The following THUMPD3 variants were observed in gnomAD, a reference collection of about 807,000 sequenced individuals.
THUMPD3 encodes tRNA (guanine(6)-N(2))-methyltransferase THUMP3.
A neutral mutation model predicts 54.5 loss-of-function variants in THUMPD3; 44 were observed. The ratio of observed to expected loss-of-function variants is 0.81; its 90% CI spans 0.63 to 1.04. The LOEUF is 1.04. Among genes scored for constraint, THUMPD3 ranks in the 50% least tolerant of loss-of-function variants. The pLI is 0.00. For missense variants in THUMPD3, 604 were observed against 601.3 expected (o/e 1.00, Z -0.05); for synonymous variants, 196 against 201.4 (o/e 0.97, Z 0.23).
chr3:9,376,463 T>C (rs1009208134), intron 5 of THUMPD3, among the ~76,000 whole-genome samples: 1 of 152,230 alleles, frequency 6.6e-6, no homozygotes, highest in Non-Finnish European at 1.5e-5. Flanking sequence ...GAGGATCTGA[T>C]GGACATTGTT....
In THUMPD3 at chr3:9,371,484, C is replaced by T. The variant is rs1345972566; in HGVS notation, c.755C>T (p.Ala252Val). Residue 252 changes from alanine to valine, a missense_variant, in exon 4 of 10, where the codon GCT (alanine) becomes GTT (valine). Transcript: ENST00000452837. ...SNEAARDFGGAVQDYFKWKAD... is the reference protein window; with the variant it reads ...SNEAARDFGGVVQDYFKWKAD... ...GAGGCTGCAAGAGATTTTGGGGGTG[C>T]TGTTCAAGATTATTTTAAGTGGAAG... is the stretch of plus-strand genomic sequence containing the variant. 3 of 1,614,064 alleles carry T rather than the reference C, an allele frequency of 1.9e-6. No homozygotes were observed. The highest frequency in any genetic ancestry group is 2.7e-5 in the African/African-American group (2 of 75,050).
chr3:9,383,384 A>T (rs1376577383), intron 8 of THUMPD3, 75 bp downstream of exon 8: 15 of 1,196,454 alleles, frequency 1.3e-5, no homozygotes, highest in Admixed American at 5.4e-5. Flanking sequence ...GTCAGGAAAA[A>T]AATCTTGAAT....
Position 9,366,914 on chromosome 3 carries a change from T to C in THUMPD3, c.259T>C (p.Cys87Arg). The C allele has an allele frequency of 6.2e-7, 1 of 1,609,894 alleles. No individual in the cohort carries two copies. Among genetic ancestry groups the C allele is most frequent in the Non-Finnish European group, 8.5e-7 (1 of 1,178,882 alleles). The change falls in exon 3 of 10, where the codon TGT (cysteine) becomes CGT (arginine). Residue 87 changes from cysteine (C) to arginine (R), a missense_variant. By Grantham distance (180) the Cys-to-Arg change is radical. Coordinates refer to ENST00000452837, the MANE Select transcript of THUMPD3 (RefSeq NM_001114092.2). ...ISVESLAQVH[C>R]LRSVDNLFVV... ...TTCTTTTTTTTTCACCCAGGTTCAT[T>C]GTCTGAGATCAGTTGATAACTTATT...
At chr3:9,378,669 A>G (rs765319110) in intron 6 of THUMPD3, among the ~76,000 whole-genome samples, 2 of 152,226 alleles carry the variant, frequency 1.3e-5, no homozygotes, top group African/African-American at 2.4e-5. Context: ...CAAGCCCACA[A>G]GGGGAGAAAT....
chr3:9,383,269 T>C lies in THUMPD3; in HGVS notation c.1195T>C (p.Ser399Pro). 3 of 1,614,028 alleles carry C rather than the reference T, an allele frequency of 1.9e-6. No homozygotes were observed. Among genetic ancestry groups the C allele is most frequent in the Non-Finnish European group, 2.5e-6 (3 of 1,179,854 alleles). ...CTGCAATCTGCCATTGAGAACTGGCTCTGTGGATATTATTGTAACAGATTT... is the reference window on the plus strand; with the variant it reads ...CTGCAATCTGCCATTGAGAACTGGCCCTGTGGATATTATTGTAACAGATTT... ...DICNLPLRTG[S>P]VDIIVTDLPF... Residue 399 changes from serine to proline, a missense_variant, in exon 8 of 10, where the codon TCT becomes CCT. Ser to Pro is a moderately conservative substitution (Grantham distance 74). Coordinates refer to ENST00000452837, the MANE Select transcript of THUMPD3 (RefSeq NM_001114092.2).
intron 3 of THUMPD3, among the ~76,000 whole-genome samples, chr3:9,369,447 T>A (rs925816981): frequency 3.3e-5 from 5 of 152,112 alleles, no homozygotes; most frequent in Non-Finnish European, 7.4e-5. Flanking sequence ...TTTAAAATAA[T>A]TTATACATGA....
rs375326583 is a variant in THUMPD3 at position 9,384,279 on chromosome 3, A to C, written c.1303A>C (p.Thr435Pro). 6.2e-7 allele frequency: 1 copy of C among 1,614,224 alleles called. No homozygotes were observed. The highest frequency in any genetic ancestry group is 1.1e-5 in the South Asian group (1 of 91,090). Residue 435 changes from threonine to proline, a missense_variant, in exon 9 of 10, where the codon ACA becomes CCA. Coordinates refer to ENST00000452837, the MANE Select transcript of THUMPD3 (RefSeq NM_001114092.2). ...ACLREMSRVC[T>P]PTTGRAVLLT... ...CCTACGGGAGATGAGCCGTGTCTGCACACCTACCACAGGCCGAGCTGTACT... is the reference window on the plus strand; with the variant it reads ...CCTACGGGAGATGAGCCGTGTCTGCCCACCTACCACAGGCCGAGCTGTACT...
chr3:9,380,494 A>G lies in THUMPD3; in HGVS notation c.1009-9A>G. On this transcript the variant is annotated splice_polypyrimidine_tract_variant and intron_variant, in intron 6 of 9. Transcript: ENST00000452837. ...TACTTTTGTTTTAACATACACTCTTATCTTTTAGGGGGCCACTGAATGGTC... is the reference window on the plus strand; with the variant it reads ...TACTTTTGTTTTAACATACACTCTTGTCTTTTAGGGGGCCACTGAATGGTC... 1 of 1,577,460 alleles carries G rather than the reference A, an allele frequency of 6.3e-7. No homozygotes were observed. Among genetic ancestry groups the G allele is most frequent in the Non-Finnish European group, 8.7e-7 (1 of 1,152,170 alleles).
At chr3:9,373,606 G>T (rs1016720727) in intron 4 of THUMPD3, among the ~76,000 whole-genome samples, 6 of 152,354 alleles carry the variant, frequency 3.9e-5, no homozygotes, top group Middle Eastern at 3.4e-3. Context: ...TATGTAAAAT[G>T]TGTAGAATAG....
intron 7 of THUMPD3, among the ~76,000 whole-genome samples, chr3:9,381,386 A>G (rs1049970148): frequency 2.0e-5 from 3 of 152,204 alleles, no homozygotes; most frequent in South Asian, 4.1e-4. Context: ...ATTAATGTAC[A>G]TGTGAATCAC....
intron 8 of THUMPD3, 34 bp from the exon 9 acceptor site, chr3:9,384,178 G>GC (rs1559313801): frequency 2.5e-6 from 4 of 1,603,964 alleles, no homozygotes; most frequent in Non-Finnish European, 3.4e-6. Flanking sequence ...TGTATCTTTT[G>GC]CAAGTGTTTG....
Position 9,374,638 on chromosome 3 carries a change from G to T in THUMPD3, c.930G>T (p.Gly310=). 1 of 1,613,486 alleles carries T rather than the reference G, an allele frequency of 6.2e-7. No individual in the cohort carries two copies. Among genetic ancestry groups the T allele is most frequent in the East Asian group, 2.2e-5 (1 of 44,862 alleles). ...PTTLRSTLAY[G]MLRLCDPLPY... is the part of the protein sequence containing the mutation. ...CTCTTAGATCAACTCTTGCCTATGG[G>T]ATGCTCAGGTAAGAAAATGAGTTTG... The change falls in exon 5 of 10, where the codon GGG becomes GGT. Residue 310 remains glycine, a synonymous_variant. Coordinates refer to ENST00000452837, the MANE Select transcript of THUMPD3 (RefSeq NM_001114092.2).
In THUMPD3 at chr3:9,384,258, C is replaced by T. The variant is rs374491423; in HGVS notation, c.1282C>T (p.Arg428Trp). The change falls in exon 9 of 10, where the codon CGG becomes TGG. Residue 428 changes from arginine (R) to tryptophan (W), a missense_variant. Coordinates refer to ENST00000452837, the MANE Select transcript of THUMPD3 (RefSeq NM_001114092.2). The part of the protein sequence containing the change: ...RNWNLYPACL[R>W]EMSRVCTPTT... Reference sequence around the variant, plus strand: ...CTGGAACCTTTATCCAGCTTGCCTACGGGAGATGAGCCGTGTCTGCACACC... The same window carrying T: ...CTGGAACCTTTATCCAGCTTGCCTATGGGAGATGAGCCGTGTCTGCACACC... 89 of 1,613,998 alleles carry T rather than the reference C, an allele frequency of 5.5e-5. No homozygotes were observed. The highest frequency in any genetic ancestry group is 1.7e-4 in the Admixed American group (10 of 60,010).
At position 9,380,582 on chromosome 3, in the gene THUMPD3, T is replaced by G; in HGVS notation, c.1088T>G (p.Ile363Ser). The G allele has an allele frequency of 6.2e-7, 1 of 1,613,588 alleles. No homozygotes were observed. Residue 363 changes from isoleucine (I) to serine (S), a missense_variant, in exon 7 of 10, where the codon ATT becomes AGT. Physicochemically the swap from Ile to Ser is moderately radical, Grantham distance 142. Coordinates refer to ENST00000452837, the MANE Select transcript of THUMPD3 (RefSeq NM_001114092.2). ...GCTGTGAATAGAGCAGCAAATAACATTGCATCTTTATTGACCAAGAGCCAA... is the reference window on the plus strand; with the variant it reads ...GCTGTGAATAGAGCAGCAAATAACAGTGCATCTTTATTGACCAAGAGCCAA... ...PLAVNRAANNIASLLTKSQIK... is the reference protein window; with the variant it reads ...PLAVNRAANNSASLLTKSQIK...
intron 6 of THUMPD3, 56 bp downstream of exon 6, chr3:9,377,944 C>A: frequency 1.5e-6 from 2 of 1,379,006 alleles, no homozygotes; most frequent in Non-Finnish European, 2.1e-6. Context: ...ATATTCTAGA[C>A]CTAATGGGCA....
Position 9,384,238 on chromosome 3 carries a change from AC to A in THUMPD3, c.1264del (p.Leu422PhefsTer9). On this transcript the variant is annotated frameshift_variant, in exon 9 of 10. Coordinates refer to ENST00000452837, the MANE Select transcript of THUMPD3 (RefSeq NM_001114092.2). LOFTEE classifies it high-confidence loss of function. ...KRMGSKKRNW[N>X]LYPACLREMS... ...ATGGGATCCAAGAAGAGAAACTGGA[AC>A]CTTTATCCAGCTTGCCTACGGGAGA... is the stretch of plus-strand genomic sequence containing the variant. The A allele has an allele frequency of 6.2e-7, 1 of 1,614,068 alleles. No homozygotes were observed. Among genetic ancestry groups the A allele is most frequent in the African/African-American group, 1.3e-5 (1 of 75,014 alleles).
chr3:9,363,519 A>G (rs975778096), intron 1 of THUMPD3: 3 of 152,188 alleles, frequency 2.0e-5, no homozygotes, highest in African/African-American at 4.8e-5. Flanking sequence ...GCACAAGGAC[A>G]TTATAGGTAT....
rs535093609 is a variant in THUMPD3, at chr3:9,382,559, A to C, written c.1125-640A>C. ...TGTTATTACTAGTTTTACAAACTTT[A>C]TTCTTCAGATACATCACCCCATTAT... On this transcript the variant is annotated intron_variant, in intron 7 of 9. Coordinates refer to ENST00000452837, the MANE Select transcript of THUMPD3 (RefSeq NM_001114092.2). Among the ~76,000 whole-genome samples the C allele has an allele frequency of 2.6e-5, 4 of 152,224 alleles. No individual in the cohort carries two copies. In the South Asian group the frequency reaches 8.3e-4, roughly 32 times the overall value.
chr3:9,364,837 T>A (rs1175069499), intron 1 of THUMPD3, among the ~76,000 whole-genome samples, 179 bp from the exon 2 acceptor site: 1 of 152,266 alleles, frequency 6.6e-6, no homozygotes, highest in Non-Finnish European at 1.5e-5. Flanking sequence ...GCTTCTTTAA[T>A]AATAACATCA....
Sources: allele counts gnomAD v4.1 joint callset (sites outside exome capture counted in the v4.1 genomes callset), GRCh38; gene constraint gnomAD v4.1.1; transcripts MANE v1.5; gene names NCBI Gene and HGNC (gene_info 2026-07-23, HGNC 2026-07-21).